The following SLC25A38 variants were observed in gnomAD, a reference collection of about 807,000 sequenced individuals.
The protein encoded by SLC25A38 is mitochondrial glycine transporter.
SLC25A38 carries 27 observed loss-of-function variants against 33.4 expected under a neutral mutation model. The observed-to-expected ratio is 0.81, with a 90% confidence interval of 0.60 to 1.11. SLC25A38 has a LOEUF of 1.11. Ranked by LOEUF, SLC25A38 falls within the 50% of genes most tolerant of loss-of-function variation. SLC25A38 has a pLI of 0.00. For synonymous variants in SLC25A38, 123 were observed against 145.9 expected, an observed-to-expected ratio of 0.84 and a Z score of 1.13; for missense variants, 344 against 388.8, an observed-to-expected ratio of 0.88 and a Z score of 0.97.
At chr3:39,385,081 T>C (rs1460769196) in intron 1 of SLC25A38, among the ~76,000 whole-genome samples, 3 of 152,196 alleles carry the variant, frequency 2.0e-5, no homozygotes, top group African/African-American at 4.8e-5. Flanking sequence ...GGATTACAAG[T>C]GTGAGCCACC....
chr3:39,384,076 G>A (rs2041679201), intron 1 of SLC25A38, among the ~76,000 whole-genome samples: 1 of 152,222 alleles, frequency 6.6e-6, no homozygotes, highest in South Asian at 2.1e-4. Flanking sequence ...GCCGGGGAGT[G>A]TGCCCGCGCG....
At chr3:39,390,569 A>C in intron 3 of SLC25A38, 62 bp downstream of exon 3, 91 of 1,512,024 alleles carry the variant, frequency 6.0e-5, no homozygotes, top group Non-Finnish European at 7.6e-5. Context: ...GCTATTTCTC[A>C]TCTACCTTAC....
chr3:39,391,605 C>T lies in SLC25A38; in HGVS notation c.441C>T (p.Ile147=). Residue 147 remains isoleucine, a synonymous_variant, in exon 4 of 7, where the codon ATC becomes ATT. Transcript: ENST00000650617. Reference sequence around the variant, plus strand: ...TCTGTATGTCACCTATCACTGTAATCAAGACGCGCTATGAGGTGAGTTCAA... The same window carrying T: ...TCTGTATGTCACCTATCACTGTAATTAAGACGCGCTATGAGGTGAGTTCAA... ...AGVCMSPITV[I]KTRYESGKYG... 6.2e-7 allele frequency: 1 copy of T among 1,614,218 alleles called. No homozygotes were observed.
At position 39,391,485 on chromosome 3, in the gene SLC25A38, T is replaced by C. The variant is rs1318586835; in HGVS notation, c.321T>C (p.Thr107=). 55 of 1,613,210 alleles carry C rather than the reference T, an allele frequency of 3.4e-5. No individual in the cohort carries two copies. Among genetic ancestry groups the C allele is most frequent in the Non-Finnish European group, 4.4e-5 (52 of 1,179,196 alleles). The part of the protein sequence containing the change: ...CVPGVGIYFG[T]LYSLKQYFLR... ...CTGGCGTTGGAATCTACTTTGGCAC[T>C]CTCTACTCTTTGAAGCAGTATTTCT... Residue 107 remains threonine (T), a synonymous_variant, in exon 4 of 7, where the codon ACT becomes ACC. Coordinates refer to ENST00000650617, the MANE Select transcript of SLC25A38 (RefSeq NM_017875.4).
chr3:39,392,639 A>T (rs893934490), intron 5 of SLC25A38, among the ~76,000 whole-genome samples: 8 of 152,046 alleles, frequency 5.3e-5, no homozygotes, highest in Admixed American at 4.6e-4. Flanking sequence ...GCAGTAAACA[A>T]CGACCCAAGC....
chr3:39,391,317 C>A, intron 3 of SLC25A38, 124 bp from the exon 4 acceptor site: 1 of 1,336,326 alleles, frequency 7.5e-7, no homozygotes, highest in East Asian at 2.3e-5. Context: ...ATTGGTGTTC[C>A]TTCCACACCT....
intron 1 of SLC25A38, among the ~76,000 whole-genome samples, chr3:39,385,194 G>A (rs1384479564): frequency 1.3e-5 from 2 of 152,152 alleles, no homozygotes; most frequent in Non-Finnish European, 2.9e-5. Flanking sequence ...ATTACCTGTT[G>A]GGATGGTTTT....
rs192734560 is a variant in SLC25A38 at position 39,384,300 on chromosome 3, A to C, written c.69+507A>C. Reference sequence around the variant, plus strand: ...CTGTTGGGACGGCGCGTGGTCCCCCAGCGACGCCACGCCTCCTCCGGCGTT... The same window carrying C: ...CTGTTGGGACGGCGCGTGGTCCCCCCGCGACGCCACGCCTCCTCCGGCGTT... On this transcript the variant is annotated intron_variant, in intron 1 of 6. Transcript: ENST00000650617. 19 of 203,936 alleles carry C rather than the reference A, an allele frequency of 9.3e-5. No individual in the cohort carries two copies. The Admixed American group carries it at 1.0e-3, about 11-fold the overall frequency. The allele number at this position is 203,936 out of a possible 1,614,324, so 12.6% of individuals were successfully genotyped here.
intron 1 of SLC25A38, chr3:39,384,725 C>T (rs1490769851): frequency 2.5e-6 from 1 of 398,068 alleles, no homozygotes; most frequent in African/African-American, 2.1e-5. Flanking sequence ...ATTGTTTATG[C>T]CCTCTTCTTT....
chr3:39,394,652 C>T (rs2041808735), intron 6 of SLC25A38, 76 bp downstream of exon 6: 2 of 1,558,800 alleles, frequency 1.3e-6, no homozygotes, highest in African/African-American at 1.4e-5. Flanking sequence ...TTACCCTTCA[C>T]TCACATTAAA....
chr3:39,390,269 TACGAACACATAGAGTATCTCCA>T (rs2041747041), intron 2 of SLC25A38, among the ~76,000 whole-genome samples, 132 bp from the exon 3 acceptor site: 1 of 152,202 alleles, frequency 6.6e-6, no homozygotes, highest in Non-Finnish European at 1.5e-5. Context: ...TGTGCCAACC[TACGAACACATAGAGTATCTCCA>T]AGGTGCATTG....
intron 3 of SLC25A38, among the ~76,000 whole-genome samples, chr3:39,390,891 T>A (rs1189014791): frequency 2.0e-5 from 3 of 152,180 alleles, no homozygotes; most frequent in African/African-American, 7.2e-5. Context: ...CAAACCCAAA[T>A]CAGAAATCCA....
At chr3:39,384,875 A>G (rs1190626131) in intron 1 of SLC25A38, among the ~76,000 whole-genome samples, 2 of 148,056 alleles carry the variant, frequency 1.4e-5, no homozygotes, top group East Asian at 4.0e-4. Flanking sequence ...ATCTCGGCTC[A>G]ACTGCAACCT....
In SLC25A38 at chr3:39,383,394, C is replaced by A; in HGVS notation, c.-331C>A. Reference sequence around the variant, plus strand: ...CAGAGTTCCTCCGGCGCTTCCTCCACCCCGGGATACACAGAACCTCATCTC... The same window carrying A: ...CAGAGTTCCTCCGGCGCTTCCTCCAACCCGGGATACACAGAACCTCATCTC... On this transcript the variant is annotated 5_prime_UTR_variant, in exon 1 of 7. Coordinates refer to ENST00000650617, the MANE Select transcript of SLC25A38 (RefSeq NM_017875.4). 3.0e-6 allele frequency: 1 copy of A among 336,920 alleles called. No individual in the cohort carries two copies. Among genetic ancestry groups the A allele is most frequent in the Non-Finnish European group, 5.7e-6 (1 of 176,356 alleles). 20.9% of individuals were successfully genotyped at this position (336,920 alleles called of 1,614,324 possible).
At chr3:39,384,803 CTTTTTTTT>C (rs67136154) in intron 1 of SLC25A38, 1 of 350,864 alleles carries the variant, frequency 2.9e-6, no homozygotes. Context: ...TTTCTTTTTT[CTTTTTTTT>C]TTTTTTTGAG....
At chr3:39,385,868 C>A (rs1386734220) in intron 1 of SLC25A38, among the ~76,000 whole-genome samples, 1 of 152,102 alleles carries the variant, frequency 6.6e-6, no homozygotes, top group African/African-American at 2.4e-5. Flanking sequence ...GGAGCAAGAC[C>A]GGTGCTAGGG....
At chr3:39,385,342 C>A (rs1308785561) in intron 1 of SLC25A38, among the ~76,000 whole-genome samples, 1 of 152,122 alleles carries the variant, frequency 6.6e-6, no homozygotes, top group Admixed American at 6.5e-5. Context: ...GAGCCAATAA[C>A]ATGTCTAATC....
chr3:39,396,307 G>A (rs936413848), intron 6 of SLC25A38, 91 bp from the exon 7 acceptor site: 2 of 1,579,738 alleles, frequency 1.3e-6, no homozygotes, highest in Non-Finnish European at 1.7e-6. Flanking sequence ...CTTAAACATG[G>A]GATAACAGAG....
chr3:39,384,090 C>T (rs1465000722), intron 1 of SLC25A38, among the ~76,000 whole-genome samples: 3 of 152,172 alleles, frequency 2.0e-5, no homozygotes, highest in Non-Finnish European at 4.4e-5. Context: ...CCGCGCGGCC[C>T]CCACAAGGTG....
Sources: allele counts gnomAD v4.1 joint callset (sites outside exome capture counted in the v4.1 genomes callset), GRCh38; gene constraint gnomAD v4.1.1; transcripts MANE v1.5; gene names NCBI Gene and HGNC (gene_info 2026-07-23, HGNC 2026-07-21).